SLC25A17: variants seen among roughly 807,000 people sequenced by gnomAD.
The protein encoded by SLC25A17 is solute carrier family 25 member 17, also known as peroxisomal membrane protein PMP34.
In SLC25A17, 26 loss-of-function variants were observed where a neutral mutation model predicts 38.5. The ratio of observed to expected loss-of-function variants is 0.68; its 90% CI spans 0.50 to 0.94. The LOEUF is 0.94. Among genes scored for constraint, SLC25A17 ranks in the 40% least tolerant of loss-of-function variants. SLC25A17 has a pLI of 0.00. For synonymous variants in SLC25A17, 139 were observed against 136.2 expected (o/e 1.02, Z -0.14); for missense variants, 333 against 372.7 (o/e 0.89, Z 0.88).
At chr22:40,779,336 C>T (rs970895992) in intron 4 of SLC25A17, 22 of 1,334,890 alleles carry the variant, frequency 1.6e-5, no homozygotes, top group South Asian at 3.2e-5. Flanking sequence ...AAATGGCTGG[C>T]GGCAGCAGCT....
chr22:40,817,894 G>A (rs905646673), intron 1 of SLC25A17, among the ~76,000 whole-genome samples: 4 of 152,278 alleles, frequency 2.6e-5, no homozygotes, highest in Non-Finnish European at 2.9e-5. Context: ...TCACGCAAGC[G>A]TCCATCTCAG....
chr22:40,793,133 A>T (rs1484669942), intron 3 of SLC25A17, among the ~76,000 whole-genome samples: 3 of 152,154 alleles, frequency 2.0e-5, no homozygotes, highest in African/African-American at 7.2e-5. Context: ...GGGCAATTTG[A>T]ATACCAAAAT....
intron 2 of SLC25A17, among the ~76,000 whole-genome samples, chr22:40,796,631 A>AG (rs992129196): frequency 6.6e-6 from 1 of 151,984 alleles, no homozygotes; most frequent in African/African-American, 2.4e-5. Flanking sequence ...AAAAAAAAAA[A>AG]GAAGGCAATC....
intron 1 of SLC25A17, among the ~76,000 whole-genome samples, chr22:40,808,955 A>G (rs1479055873): frequency 3.3e-5 from 5 of 152,256 alleles, no homozygotes; most frequent in Non-Finnish European, 4.4e-5. Flanking sequence ...GACTGAATTC[A>G]GAAGCAGATA....
At chr22:40,817,582 A>C (rs756463354) in intron 1 of SLC25A17, among the ~76,000 whole-genome samples, 30 of 151,702 alleles carry the variant, frequency 2.0e-4, no homozygotes, top group South Asian at 6.2e-4. Context: ...GAAGCCAAAA[A>C]CTCTTGGAGT....
chr22:40,818,985 A>G (rs1203879889), intron 1 of SLC25A17, among the ~76,000 whole-genome samples: 1 of 152,124 alleles, frequency 6.6e-6, no homozygotes, highest in Admixed American at 6.5e-5. Flanking sequence ...AGTCTCTAGG[A>G]GACCAGGAGG....
At chr22:40,808,586 TA>T (rs2070195149) in intron 1 of SLC25A17, among the ~76,000 whole-genome samples, 1 of 152,238 alleles carries the variant, frequency 6.6e-6, no homozygotes, top group Non-Finnish European at 1.5e-5. Flanking sequence ...TAAGAATGAT[TA>T]TATGGGAAGG....
intron 1 of SLC25A17, among the ~76,000 whole-genome samples, chr22:40,814,754 A>AAT (rs10527651): frequency 0.018 from 2,430 of 134,804 alleles, 25 homozygotes; most frequent in South Asian, 0.04. Flanking sequence ...GTACGTGCAG[A>AAT]ATATATATAT....
intron 1 of SLC25A17, among the ~76,000 whole-genome samples, chr22:40,817,750 G>C (rs1381808383): frequency 6.6e-6 from 1 of 152,110 alleles, no homozygotes; most frequent in African/African-American, 2.4e-5. Flanking sequence ...GGGTGATCAC[G>C]TTTAAAGGTA....
intron 5 of SLC25A17, among the ~76,000 whole-genome samples, chr22:40,778,136 T>G (rs2057263268): frequency 6.6e-6 from 1 of 152,226 alleles, no homozygotes; most frequent in Admixed American, 6.5e-5. Context: ...TGTGGTACTA[T>G]TGAAAGGCAG....
chr22:40,792,585 G>C lies in SLC25A17; in HGVS notation c.274C>G (p.Leu92Val). The C allele has an allele frequency of 1.9e-6, 3 of 1,614,040 alleles. No homozygotes were observed. The highest frequency in any genetic ancestry group is 2.5e-6 in the Non-Finnish European group (3 of 1,179,958). The change falls in exon 4 of 9, where the codon CTC (leucine) becomes GTC (valine). Residue 92 changes from leucine to valine, a missense_variant. Leu to Val is a conservative substitution (Grantham distance 32). Transcript: ENST00000435456. ...GTAGAATGTTGACCTTTGACCCAGA[G>C]TGCTTTGAGGCTATTAAAAGTGTAG... ...YFYTFNSLKALWVKGQHSTTG... is the reference protein window; with the variant it reads ...YFYTFNSLKAVWVKGQHSTTG...
At chr22:40,777,168 T>C in intron 6 of SLC25A17, 33 bp from the exon 7 acceptor site, 1 of 1,613,738 alleles carries the variant, frequency 6.2e-7, no homozygotes, top group Non-Finnish European at 8.5e-7. Context: ...ACCATATCAA[T>C]CAAGTCAACA....
intron 4 of SLC25A17, among the ~76,000 whole-genome samples, chr22:40,782,385 C>T (rs774333471): frequency 6.6e-6 from 1 of 151,988 alleles, no homozygotes; most frequent in Non-Finnish European, 1.5e-5. Flanking sequence ...TTCTTTCTTT[C>T]TTTTATGTAA....
At chr22:40,777,746 C>T (rs2057259190) in intron 5 of SLC25A17, among the ~76,000 whole-genome samples, 1 of 149,034 alleles carries the variant, frequency 6.7e-6, no homozygotes, top group Non-Finnish European at 1.5e-5. Flanking sequence ...TGTGCCACTG[C>T]ACTCCAGCCT....
In SLC25A17 at chr22:40,791,565, T is replaced by C. The variant is rs562382543; in HGVS notation, c.334+960A>G. ...GAGCAAAAAAATGTAATAACCTGAT[T>C]AAAAAATAGACAAAGAACCAGAACA... is the stretch of plus-strand genomic sequence containing the variant. On this transcript the variant is annotated intron_variant, in intron 4 of 8. Coordinates refer to ENST00000435456, the MANE Select transcript of SLC25A17 (RefSeq NM_006358.4). Among the ~76,000 whole-genome samples the C allele has an allele frequency of 2.6e-5, 4 of 152,162 alleles. No homozygotes were observed. The South Asian group carries it at 8.3e-4, about 32-fold the overall frequency.
chr22:40,812,891 T>A (rs528681863), intron 1 of SLC25A17, among the ~76,000 whole-genome samples: 211 of 152,106 alleles, frequency 1.4e-3, no homozygotes, highest in African/African-American at 4.9e-3. Flanking sequence ...TTTAAAAAAA[T>A]TTTTAAAAAC....
intron 1 of SLC25A17, among the ~76,000 whole-genome samples, chr22:40,815,291 A>G (rs574984808): frequency 6.6e-6 from 1 of 152,328 alleles, no homozygotes; most frequent in South Asian, 2.1e-4. Flanking sequence ...AGAGATGAAA[A>G]TTACTGGAGC....
In SLC25A17 at chr22:40,815,070, C is replaced by T. The variant is rs182151565; in HGVS notation, c.54+4125G>A. Among the ~76,000 whole-genome samples, 17 of 152,172 alleles carry T rather than the reference C, an allele frequency of 1.1e-4. No homozygotes were observed. In the East Asian group the frequency reaches 2.5e-3, roughly 23 times the overall value. ...TCCTGACCTCGTGATCTGCCCGCCT[C>T]AGCCTCCCAAAGTGCTGGGATTACA... On this transcript the variant is annotated intron_variant, in intron 1 of 8. Transcript: ENST00000435456.
At chr22:40,805,889 C>G (rs1420920311) in intron 1 of SLC25A17, among the ~76,000 whole-genome samples, 2 of 152,202 alleles carry the variant, frequency 1.3e-5, no homozygotes, top group East Asian at 1.9e-4. Context: ...AAAACTAATA[C>G]AGCCGGATTA....
Sources: gnomAD v4.1 joint callset for allele counts (sites outside exome capture counted in the v4.1 genomes callset) on GRCh38, gnomAD v4.1.1 for gene constraint, MANE v1.5 for transcripts, NCBI Gene and HGNC (gene_info 2026-07-23, HGNC 2026-07-21) for gene names.